FBXL17: variants seen among roughly 807,000 people sequenced by gnomAD.
FBXL17 encodes the protein F-box/LRR-repeat protein 17.
FBXL17 carries 22 observed loss-of-function variants against 66.2 expected under a neutral mutation model. The observed-to-expected ratio is 0.33, with a 90% CI of 0.24 to 0.47. FBXL17 has a LOEUF of 0.47. Ranked by LOEUF, FBXL17 falls within the 20% of genes least tolerant of loss-of-function variation. The probability of loss-of-function intolerance (pLI) is 1.00; values close to 1 mark genes in which losing one functional copy is unlikely to be tolerated. For missense variants in FBXL17, 878 were observed against 948.2 expected (o/e 0.93, Z 0.97); for synonymous variants, 474 against 400.5 (o/e 1.18, Z -2.19).
chr5:108,311,234 C>A (rs183699605), intron 4 of FBXL17, among the ~76,000 whole-genome samples: 1 of 152,014 alleles, frequency 6.6e-6, no homozygotes, highest in Admixed American at 6.6e-5. Flanking sequence ...TGCAATGGCG[C>A]GATCTCAGCT....
chr5:108,112,313 C>G (rs1483178076), intron 6 of FBXL17, among the ~76,000 whole-genome samples: 1 of 152,172 alleles, frequency 6.6e-6, no homozygotes. Context: ...CCTGGGAGTA[C>G]TTGATACTTC....
At position 108,155,989 on chromosome 5, in the gene FBXL17, A is replaced by G. The variant is rs528885694; in HGVS notation, c.1745+30128T>C. ...AATAAAAAGGCTACCTTTTGCTGGA[A>G]AAAAAGACACTAAAATGTAGCTTTA... On this transcript the variant is annotated intron_variant, in intron 6 of 8. Transcript: ENST00000542267. Among the ~76,000 whole-genome samples the G allele has an allele frequency of 2.0e-5, 3 of 152,280 alleles. No individual in the cohort carries two copies. The East Asian group carries it at 5.8e-4, about 29-fold the overall frequency.
intron 6 of FBXL17, among the ~76,000 whole-genome samples, chr5:108,048,959 A>G (rs1747365871): frequency 6.6e-6 from 1 of 152,128 alleles, no homozygotes; most frequent in African/African-American, 2.4e-5. Flanking sequence ...CACTACTAAG[A>G]TACTCCAAGA....
chr5:108,328,521 C>T (rs1435588224), intron 4 of FBXL17, among the ~76,000 whole-genome samples: 5 of 151,856 alleles, frequency 3.3e-5, no homozygotes, highest in Non-Finnish European at 5.9e-5. Flanking sequence ...AGCCATAGTA[C>T]CCATCAATAA....
chr5:108,098,802 GA>G (rs1281944093), intron 6 of FBXL17, among the ~76,000 whole-genome samples: 1 of 147,338 alleles, frequency 6.8e-6, no homozygotes, highest in East Asian at 2.0e-4. Flanking sequence ...TTTCCAAGCT[GA>G]AAAAAAATAT....
At chr5:108,106,273 G>A (rs1188010429) in intron 6 of FBXL17, among the ~76,000 whole-genome samples, 2 of 152,178 alleles carry the variant, frequency 1.3e-5, no homozygotes, top group African/African-American at 4.8e-5. Context: ...ACAAGTGTTG[G>A]CAAGAATGTG....
At chr5:108,279,612 A>G (rs917130492) in intron 4 of FBXL17, among the ~76,000 whole-genome samples, 2 of 152,076 alleles carry the variant, frequency 1.3e-5, no homozygotes, top group Admixed American at 6.5e-5. Flanking sequence ...CTACCAATAG[A>G]TCTTAACCAA....
intron 7 of FBXL17, among the ~76,000 whole-genome samples, chr5:108,009,194 C>CATATATATATATATATAT (rs373679985): frequency 1.8e-5 from 1 of 54,146 alleles, no homozygotes; most frequent in Non-Finnish European, 3.3e-5. Flanking sequence ...ATTTGAAAAG[C>CATATATATATATATATAT]ATATATATAT....
At chr5:108,200,572 G>C (rs1462914855) in intron 5 of FBXL17, among the ~76,000 whole-genome samples, 1 of 151,922 alleles carries the variant, frequency 6.6e-6, no homozygotes, top group Non-Finnish European at 1.5e-5. Flanking sequence ...TTGTTTCACT[G>C]TTAAAGATTC....
intron 4 of FBXL17, among the ~76,000 whole-genome samples, chr5:108,240,513 T>C (rs779161819): frequency 3.3e-5 from 5 of 152,138 alleles, no homozygotes; most frequent in African/African-American, 7.2e-5. Context: ...AACTATCTTG[T>C]GGCTTGGGTA....
chr5:108,268,528 C>A (rs1273327031), intron 4 of FBXL17, among the ~76,000 whole-genome samples: 1 of 151,852 alleles, frequency 6.6e-6, no homozygotes, highest in East Asian at 1.9e-4. Context: ...TCAGTCATTG[C>A]AGAACACCTG....
chr5:107,935,778 G>A (rs555508724), intron 7 of FBXL17, among the ~76,000 whole-genome samples: 9 of 152,202 alleles, frequency 5.9e-5, no homozygotes, highest in African/African-American at 2.2e-4. Flanking sequence ...TGTCCAATAG[G>A]TTCACAAGAT....
chr5:108,021,634 T>C (rs1754606760), intron 6 of FBXL17, among the ~76,000 whole-genome samples: 1 of 151,718 alleles, frequency 6.6e-6, no homozygotes, highest in Non-Finnish European at 1.5e-5. Flanking sequence ...CTGTCTTTTC[T>C]GGTTTCATTT....
chr5:107,884,888 T>C (rs1748913520), intron 7 of FBXL17, among the ~76,000 whole-genome samples: 2 of 152,200 alleles, frequency 1.3e-5, no homozygotes, highest in Admixed American at 1.3e-4. Flanking sequence ...CCCCAATCCA[T>C]CCTACAGTTG....
chr5:108,224,217 C>T lies in FBXL17; in HGVS notation c.1518G>A (p.Gln506=), dbSNP rs759099638. 1.3e-5 allele frequency: 21 copies of T among 1,594,480 alleles called. No individual in the cohort carries two copies. The highest frequency in any genetic ancestry group is 1.7e-5 in the Admixed American group (1 of 59,330). The change falls in exon 5 of 9, where the codon CAG becomes CAA. Residue 506 remains glutamine (Q), a synonymous_variant. Coordinates refer to ENST00000542267, the MANE Select transcript of FBXL17 (RefSeq NM_001163315.3). Reference sequence around the variant, plus strand: ...AGTGTTCAGCAAATGCTTTCACTGACTGATCTGTCACCTAGGGAAAAGACA... The same window carrying T: ...AGTGTTCAGCAAATGCTTTCACTGATTGATCTGTCACCTAGGGAAAAGACA... ...YMQENKLVTD[Q]SVKAFAEHCP... is the part of the protein sequence containing the mutation.
chr5:108,071,552 G>C (rs953251366), intron 6 of FBXL17, among the ~76,000 whole-genome samples: 9 of 151,990 alleles, frequency 5.9e-5, no homozygotes, highest in African/African-American at 2.2e-4. Flanking sequence ...CTCCCCTGCT[G>C]TCCCCTTTCC....
At chr5:107,945,851 G>A (rs115291051) in intron 7 of FBXL17, among the ~76,000 whole-genome samples, 1 of 152,006 alleles carries the variant, frequency 6.6e-6, no homozygotes, top group Non-Finnish European at 1.5e-5. Flanking sequence ...ACTGATGTTT[G>A]TATACTATTC....
At chr5:108,185,310 T>TG in intron 6 of FBXL17, among the ~76,000 whole-genome samples, 1 of 152,290 alleles carries the variant, frequency 6.6e-6, no homozygotes. Flanking sequence ...GATTGGATCA[T>TG]GGGGGCAGAT....
chr5:108,219,751 A>T (rs1246169572), intron 5 of FBXL17, among the ~76,000 whole-genome samples: 1 of 152,038 alleles, frequency 6.6e-6, no homozygotes, highest in Non-Finnish European at 1.5e-5. Context: ...TGCCTGTAGT[A>T]TCTGTAGTTT....
Sources: allele counts gnomAD v4.1 joint callset (sites outside exome capture counted in the v4.1 genomes callset), GRCh38; gene constraint gnomAD v4.1.1; transcripts MANE v1.5; gene names NCBI Gene and HGNC (gene_info 2026-07-23, HGNC 2026-07-21).